Variants in NKAIN2 observed in about 807,000 individuals in gnomAD.
NKAIN2 encodes the protein sodium/potassium-transporting ATPase subunit beta-1-interacting protein 2.
A neutral mutation model predicts 32.6 loss-of-function variants in NKAIN2; 14 were observed. The observed-to-expected ratio is 0.43, with a 90% CI of 0.28 to 0.67. The LOEUF is 0.67. Among genes scored for constraint, NKAIN2 ranks in the 30% least tolerant of loss-of-function variants. The pLI is 0.17. For synonymous variants in NKAIN2, 80 were observed against 87.2 expected, an observed-to-expected ratio of 0.92 and a Z score of 0.46; for missense variants, 198 against 258.3, an observed-to-expected ratio of 0.77 and a Z score of 1.60.
chr6:124,470,821 C>T (rs1776942283), intron 3 of NKAIN2, among the ~76,000 whole-genome samples: 1 of 152,156 alleles, frequency 6.6e-6, no homozygotes, highest in Non-Finnish European at 1.5e-5. Flanking sequence ...ACTTATCTTT[C>T]AAGTAAGTCA....
intron 3 of NKAIN2, among the ~76,000 whole-genome samples, chr6:124,539,220 T>C (rs1489154112): frequency 6.6e-6 from 1 of 152,050 alleles, no homozygotes; most frequent in Non-Finnish European, 1.5e-5. Context: ...TATATGTAGT[T>C]CACTACTACT....
chr6:124,028,091 A>G (rs548535628), intron 1 of NKAIN2, among the ~76,000 whole-genome samples: 65 of 152,136 alleles, frequency 4.3e-4, no homozygotes, highest in African/African-American at 1.4e-3. Flanking sequence ...CTTCACCCTT[A>G]GTGTTACTTA....
At chr6:123,849,925 G>T (rs1033518713) in intron 1 of NKAIN2, among the ~76,000 whole-genome samples, 1 of 143,876 alleles carries the variant, frequency 7.0e-6, no homozygotes, top group African/African-American at 2.6e-5. Flanking sequence ...TTTGAGACAT[G>T]GTTTCACTCT....
intron 3 of NKAIN2, among the ~76,000 whole-genome samples, chr6:124,509,456 T>A (rs1484977862): frequency 6.6e-6 from 1 of 152,220 alleles, no homozygotes; most frequent in African/African-American, 2.4e-5. Context: ...TGCCTTATTA[T>A]AGGTCATCGT....
intron 1 of NKAIN2, among the ~76,000 whole-genome samples, chr6:123,851,752 C>A (rs887544001): frequency 1.3e-5 from 2 of 152,020 alleles, no homozygotes; most frequent in Admixed American, 6.6e-5. Context: ...TCATCTTTTG[C>A]GAAATGTCTA....
intron 4 of NKAIN2, among the ~76,000 whole-genome samples, chr6:124,662,651 C>T (rs1201330749): frequency 3.3e-5 from 5 of 152,160 alleles, no homozygotes; most frequent in African/African-American, 9.7e-5. Context: ...CTGGCTAAGA[C>T]TTACTGAGGA....
At chr6:123,827,470 C>A (rs1315764341) in intron 1 of NKAIN2, among the ~76,000 whole-genome samples, 3 of 152,072 alleles carry the variant, frequency 2.0e-5, no homozygotes, top group East Asian at 3.9e-4. Flanking sequence ...AGTTCAAATA[C>A]TTGATAGATT....
intron 3 of NKAIN2, among the ~76,000 whole-genome samples, chr6:124,629,749 G>A (rs1008240970): frequency 5.9e-5 from 9 of 151,998 alleles, no homozygotes; most frequent in African/African-American, 1.7e-4. Flanking sequence ...AAAAAGAAAC[G>A]TTAAACCAAT....
At chr6:124,035,229 C>A (rs900883334) in intron 1 of NKAIN2, among the ~76,000 whole-genome samples, 2 of 151,968 alleles carry the variant, frequency 1.3e-5, no homozygotes, top group Non-Finnish European at 2.9e-5. Flanking sequence ...CAACATAAAA[C>A]CAATAATCTG....
At chr6:124,053,298 A>C (rs1410716601) in intron 1 of NKAIN2, among the ~76,000 whole-genome samples, 1 of 152,044 alleles carries the variant, frequency 6.6e-6, no homozygotes, top group Non-Finnish European at 1.5e-5. Flanking sequence ...TAAGCAAGTG[A>C]AAATGCCAAA....
At chr6:124,650,633 C>A (rs1784335691) in intron 3 of NKAIN2, among the ~76,000 whole-genome samples, 1 of 152,128 alleles carries the variant, frequency 6.6e-6, no homozygotes, top group South Asian at 2.1e-4. Flanking sequence ...AGCAAACCCA[C>A]TCCCATGGTG....
chr6:124,516,492 A>G, intron 3 of NKAIN2, among the ~76,000 whole-genome samples: 1 of 152,072 alleles, frequency 6.6e-6, no homozygotes, highest in East Asian at 1.9e-4. Context: ...TTTTTAGTTA[A>G]TTAATTTCTT....
intron 4 of NKAIN2, among the ~76,000 whole-genome samples, chr6:124,661,132 C>T (rs544543264): frequency 1.6e-4 from 25 of 152,308 alleles, no homozygotes; most frequent in African/African-American, 5.3e-4. Context: ...TATACAGCAA[C>T]GTTCCCCAAA....
At chr6:123,968,875 C>A (rs1778210358) in intron 1 of NKAIN2, among the ~76,000 whole-genome samples, 1 of 152,142 alleles carries the variant, frequency 6.6e-6, no homozygotes, top group African/African-American at 2.4e-5. Context: ...GTCACAGGAC[C>A]TTTCCCATTC....
chr6:124,165,552 C>T (rs544792796), intron 1 of NKAIN2, among the ~76,000 whole-genome samples: 5 of 151,782 alleles, frequency 3.3e-5, no homozygotes, highest in African/African-American at 1.2e-4. Context: ...TTTTAGGGTA[C>T]ATGTGCACAA....
intron 1 of NKAIN2, among the ~76,000 whole-genome samples, chr6:123,948,577 G>A (rs896024278): frequency 2.6e-5 from 3 of 113,994 alleles, no homozygotes; most frequent in African/African-American, 9.0e-5. Context: ...TATACAAATC[G>A]TTTCCCCATC....
chr6:124,179,598 G>A (rs1434909341), intron 1 of NKAIN2, among the ~76,000 whole-genome samples: 1 of 152,212 alleles, frequency 6.6e-6, no homozygotes, highest in East Asian at 1.9e-4. Context: ...AAGGCAGTGA[G>A]CAGACAGCAG....
chr6:124,418,435 C>G (rs62436321), intron 3 of NKAIN2, among the ~76,000 whole-genome samples: 6,596 of 149,440 alleles, frequency 0.044, 252 homozygotes, highest in Non-Finnish European at 0.065. Flanking sequence ...ATAACTGAAC[C>G]CTTATTCTGA....
At chr6:124,726,207 C>A (rs950557390) in intron 4 of NKAIN2, among the ~76,000 whole-genome samples, 16 of 152,316 alleles carry the variant, frequency 1.1e-4, no homozygotes, top group African/African-American at 3.8e-4. Flanking sequence ...GAGCCCACCA[C>A]AGCTCAAGGA....
Sources: allele counts gnomAD v4.1 joint callset (sites outside exome capture counted in the v4.1 genomes callset), GRCh38; gene constraint gnomAD v4.1.1; transcripts MANE v1.5; gene names NCBI Gene and HGNC (gene_info 2026-07-23, HGNC 2026-07-21).